Variants in FAM171B observed in about 807,000 individuals in gnomAD.
The protein encoded by FAM171B is family with sequence similarity 171 member B.
In FAM171B, 19 loss-of-function variants were observed where a neutral mutation model predicts 75.6. The ratio of observed to expected loss-of-function variants is 0.25; its 90% confidence interval spans 0.18 to 0.37. The LOEUF is 0.37. Among genes scored for constraint, FAM171B ranks in the 10% least tolerant of loss-of-function variants. The pLI is 1.00. For synonymous variants in FAM171B, 367 were observed against 361.7 expected, an observed-to-expected ratio of 1.01 and a Z score of -0.17; for missense variants, 848 against 982.4, an observed-to-expected ratio of 0.86 and a Z score of 1.83.
At chr2:186,725,746 A>G (rs1182416302) in intron 1 of FAM171B, among the ~76,000 whole-genome samples, 3 of 152,128 alleles carry the variant, frequency 2.0e-5, no homozygotes, top group Admixed American at 2.0e-4. Context: ...GTCTCTCTCT[A>G]CCTAGTGCCA....
At chr2:186,711,023 TA>T (rs879934512) in intron 1 of FAM171B, among the ~76,000 whole-genome samples, 3 of 151,828 alleles carry the variant, frequency 2.0e-5, no homozygotes, top group East Asian at 1.9e-4. Context: ...TCATACTTTT[TA>T]AAAAAAATGG....
At chr2:186,744,053 G>A (rs918589010) in intron 3 of FAM171B, among the ~76,000 whole-genome samples, 3 of 152,270 alleles carry the variant, frequency 2.0e-5, no homozygotes, top group African/African-American at 7.2e-5. Flanking sequence ...GGAGAAGAGT[G>A]CAGAAATCAT....
rs374011972 is a variant in FAM171B, at chr2:186,762,874, T to C, written c.*51T>C. 6.0e-5 allele frequency: 93 copies of C among 1,549,536 alleles called. No homozygotes were observed. The highest frequency in any genetic ancestry group is 3.5e-4 in the Middle Eastern group (2 of 5,716). On this transcript the variant is annotated 3_prime_UTR_variant, in exon 8 of 8. Coordinates refer to ENST00000304698, the MANE Select transcript of FAM171B (RefSeq NM_177454.4). This position sits in a 1 kb window ranked among gnomAD's most constrained non-coding sequence, Gnocchi z 4.0. ...GTCTCGTGCTGTTTATTCTTGCTTCTTGTTGTAAATTGCAGTACGAACTTA... is the reference window on the plus strand; with the variant it reads ...GTCTCGTGCTGTTTATTCTTGCTTCCTGTTGTAAATTGCAGTACGAACTTA...
chr2:186,728,475 T>G (rs1432046563), intron 1 of FAM171B, among the ~76,000 whole-genome samples: 1 of 152,220 alleles, frequency 6.6e-6, no homozygotes, highest in Non-Finnish European at 1.5e-5. Context: ...AAACATTTGT[T>G]GAATGGATTC....
intron 3 of FAM171B, among the ~76,000 whole-genome samples, 187 bp downstream of exon 3, chr2:186,743,762 T>C (rs913700500): frequency 6.6e-5 from 10 of 152,236 alleles, no homozygotes; most frequent in South Asian, 2.1e-4. Context: ...CTTTTTTGTA[T>C]AGCAGGAGTC....
In FAM171B at chr2:186,712,105, AATAT is replaced by A. The variant is rs531171182; in HGVS notation, c.238+17701_238+17704del. Among the ~76,000 whole-genome samples, 54 of 152,246 alleles carry A rather than the reference AATAT, an allele frequency of 3.5e-4. 1 individual carries two copies. The highest frequency in any genetic ancestry group is 1.0e-3 in the African/African-American group (43 of 41,544). The stretch of plus-strand genomic sequence containing the variant: ...GCATGTTGGTTCATAATATGTTATG[AATAT>A]ATATATTAAGGGAAGTATCCGAGGA... On this transcript the variant is annotated intron_variant, in intron 1 of 7. Transcript: ENST00000304698.
At chr2:186,718,355 C>T (rs1689902913) in intron 1 of FAM171B, among the ~76,000 whole-genome samples, 1 of 152,176 alleles carries the variant, frequency 6.6e-6, no homozygotes, top group South Asian at 2.1e-4. Flanking sequence ...GACTGTCATT[C>T]CCTTAACATG....
chr2:186,762,848 T>G lies in FAM171B; in HGVS notation c.*25T>G. Reference sequence around the variant, plus strand: ...ACTCCAATGGGGATTGTGTGTCTGCTGTCTCGTGCTGTTTATTCTTGCTTC... The same window carrying G: ...ACTCCAATGGGGATTGTGTGTCTGCGGTCTCGTGCTGTTTATTCTTGCTTC... On this transcript the variant is annotated 3_prime_UTR_variant, in exon 8 of 8. Coordinates refer to ENST00000304698, the MANE Select transcript of FAM171B (RefSeq NM_177454.4). This position sits in a 1 kb window ranked among gnomAD's most constrained non-coding sequence, Gnocchi z 4.0. The G allele has an allele frequency of 6.3e-7, 1 of 1,579,172 alleles. No homozygotes were observed. The highest frequency in any genetic ancestry group is 8.6e-7 in the Non-Finnish European group (1 of 1,164,088).
At chr2:186,714,232 C>T (rs867978816) in intron 1 of FAM171B, among the ~76,000 whole-genome samples, 5 of 151,722 alleles carry the variant, frequency 3.3e-5, no homozygotes, top group South Asian at 2.1e-4. Context: ...ATGGAGGCAG[C>T]GGATTGATTA....
intron 3 of FAM171B, among the ~76,000 whole-genome samples, chr2:186,744,323 A>G (rs187039370): frequency 4.2e-4 from 64 of 152,330 alleles, no homozygotes; most frequent in African/African-American, 1.5e-3. Context: ...TAAGAGCGTC[A>G]TGGTAAAAAG....
chr2:186,697,017 T>C (rs1437640402), intron 1 of FAM171B, among the ~76,000 whole-genome samples: 2 of 152,006 alleles, frequency 1.3e-5, no homozygotes, highest in African/African-American at 4.8e-5. Flanking sequence ...GATGGATGGA[T>C]GGATGGATGG....
In FAM171B at chr2:186,765,339, A is replaced by G. The variant is rs1354027061; in HGVS notation, c.*2516A>G. The G allele has an allele frequency of 6.6e-6, 1 of 152,012 alleles. No homozygotes were observed. Among genetic ancestry groups the G allele is most frequent in the Admixed American group, 6.6e-5 (1 of 15,230 alleles). The allele number at this position is 152,012 out of a possible 1,614,324, so 9.4% of individuals were successfully genotyped here. ...ACTTTGGATATATATTAAAGGCAAA[A>G]CTATCTCTTGACTAACTGATGGATT... is the stretch of plus-strand genomic sequence containing the variant. On this transcript the variant is annotated 3_prime_UTR_variant, in exon 8 of 8. Transcript: ENST00000304698.
intron 1 of FAM171B, among the ~76,000 whole-genome samples, chr2:186,706,393 A>T (rs1254390940): frequency 3.9e-5 from 6 of 152,082 alleles, no homozygotes; most frequent in Non-Finnish European, 8.8e-5. Context: ...TTTTTGATTC[A>T]CACTTCTCAT....
rs1030799123 is a variant in FAM171B, at chr2:186,720,803, G to A, written c.239-19425G>A. 3.3e-5 allele frequency among the ~76,000 whole-genome samples: 5 copies of A among 151,378 alleles called. No homozygotes were observed. The South Asian group carries it at 8.3e-4, about 25-fold the overall frequency. On this transcript the variant is annotated intron_variant, in intron 1 of 7. Coordinates refer to ENST00000304698, the MANE Select transcript of FAM171B (RefSeq NM_177454.4). Reference sequence around the variant, plus strand: ...TGAGTTAACCAGACATTTCTAATACGGGAAGGACACAGAAATAAATGAGCA... The same window carrying A: ...TGAGTTAACCAGACATTTCTAATACAGGAAGGACACAGAAATAAATGAGCA...
intron 2 of FAM171B, among the ~76,000 whole-genome samples, chr2:186,741,357 A>G (rs1455730930): frequency 6.6e-6 from 1 of 152,146 alleles, no homozygotes; most frequent in Non-Finnish European, 1.5e-5. Context: ...TAAGCTATAT[A>G]TGAACATATT....
intron 1 of FAM171B, among the ~76,000 whole-genome samples, chr2:186,721,156 G>A (rs184112628): frequency 6.6e-6 from 1 of 152,056 alleles, no homozygotes; most frequent in South Asian, 2.1e-4. Context: ...CTCAATCTTG[G>A]CTGTGCACTA....
At position 186,764,411 on chromosome 2, in the gene FAM171B, A is replaced by T. The variant is rs1574117067; in HGVS notation, c.*1588A>T. On this transcript the variant is annotated 3_prime_UTR_variant, in exon 8 of 8. Coordinates refer to ENST00000304698, the MANE Select transcript of FAM171B (RefSeq NM_177454.4). ...AAGACCCTAGGCAAATATTTGCTATATATTACCCCAATCCATAGAAGAAAT... is the reference window on the plus strand; with the variant it reads ...AAGACCCTAGGCAAATATTTGCTATTTATTACCCCAATCCATAGAAGAAAT... 2 of 148,196 alleles carry T rather than the reference A, an allele frequency of 1.3e-5. No individual in the cohort carries two copies. Among genetic ancestry groups the T allele is most frequent in the African/African-American group, 5.0e-5 (2 of 40,100 alleles). The allele number at this position is 148,196 out of a possible 1,614,324, so 9.2% of individuals were successfully genotyped here. A position where few individuals can be genotyped will look rare whatever the true frequency, so the allele number is the denominator to read the frequency against.
chr2:186,729,123 T>G (rs1369129132), intron 1 of FAM171B, among the ~76,000 whole-genome samples: 1 of 152,168 alleles, frequency 6.6e-6, no homozygotes, highest in Non-Finnish European at 1.5e-5. Flanking sequence ...TTAAATCTTC[T>G]CCAGCAACCT....
intron 1 of FAM171B, among the ~76,000 whole-genome samples, chr2:186,726,383 AG>A (rs1258436567): frequency 2.0e-5 from 3 of 152,152 alleles, no homozygotes; most frequent in Non-Finnish European, 4.4e-5. Context: ...TTTTTAATTC[AG>A]CACCCTTTTG....
Sources: allele counts gnomAD v4.1 joint callset (sites outside exome capture counted in the v4.1 genomes callset), GRCh38; gene constraint gnomAD v4.1.1; non-coding constraint Gnocchi (gnomAD v3.1); transcripts MANE v1.5; gene names NCBI Gene and HGNC (gene_info 2026-07-23, HGNC 2026-07-21).